The following DHRSX variants were observed in gnomAD, a reference collection of about 807,000 sequenced individuals.
DHRSX encodes the protein polyprenol dehydrogenase.
Under a neutral mutation model 34.0 loss-of-function variants are expected in DHRSX, and 31 were observed. That is an observed-to-expected ratio of 0.91 (90% CI 0.69 to 1.23). The LOEUF is 1.23. DHRSX is among the 50% of genes most tolerant of loss of function. The probability of loss-of-function intolerance (pLI) is 0.00; values close to 1 mark genes in which losing one functional copy is unlikely to be tolerated. For synonymous variants in DHRSX, 201 were observed against 183.8 expected, an observed-to-expected ratio of 1.09 and a Z score of -0.76; for missense variants, 414 against 428.1, an observed-to-expected ratio of 0.97 and a Z score of 0.29.
intron 5 of DHRSX, among the ~76,000 whole-genome samples, chrX:2,248,364 C>T (rs1334010801): frequency 4.1e-5 from 6 of 148,100 alleles, no homozygotes; most frequent in African/African-American, 9.9e-5. Flanking sequence ...ACCCAGGAGG[C>T]GGAGCTTGCA....
chrX:2,339,785 T>A (rs1372361166), intron 3 of DHRSX, among the ~76,000 whole-genome samples: 2 of 152,072 alleles, frequency 1.3e-5, no homozygotes, highest in African/African-American at 4.8e-5. Flanking sequence ...GGCATTTGGG[T>A]TGGTTCCAAG....
intron 4 of DHRSX, among the ~76,000 whole-genome samples, chrX:2,274,554 T>C (rs1265976157): frequency 6.6e-6 from 1 of 151,718 alleles, no homozygotes; most frequent in Admixed American, 6.6e-5. Flanking sequence ...GTAGCTGGGA[T>C]TACAGGTGTG....
intron 3 of DHRSX, among the ~76,000 whole-genome samples, chrX:2,308,419 A>G (rs372648800): frequency 5.3e-5 from 8 of 152,122 alleles, no homozygotes; most frequent in Admixed American, 1.3e-4. Flanking sequence ...ACAATTGTTC[A>G]ACAATTGTTA....
At chrX:2,346,140 A>C (rs1434007263) in intron 3 of DHRSX, among the ~76,000 whole-genome samples, 1 of 151,992 alleles carries the variant, frequency 6.6e-6, no homozygotes, top group African/African-American at 2.4e-5. Flanking sequence ...TCACTCTCTA[A>C]AATTTAACTC....
At chrX:2,246,606 G>A (rs1317033667) in intron 5 of DHRSX, among the ~76,000 whole-genome samples, 3 of 150,572 alleles carry the variant, frequency 2.0e-5, no homozygotes, top group African/African-American at 7.3e-5. Flanking sequence ...CTGGGCAACA[G>A]AGTGAAAGTC....
chrX:2,450,442 A>G (rs917867901), intron 1 of DHRSX, among the ~76,000 whole-genome samples: 5 of 152,120 alleles, frequency 3.3e-5, no homozygotes, highest in African/African-American at 1.2e-4. Flanking sequence ...AGGCTTGGCA[A>G]CAAGAGCAAA....
At chrX:2,459,754 G>T (rs1245056217) in intron 1 of DHRSX, among the ~76,000 whole-genome samples, 1 of 151,920 alleles carries the variant, frequency 6.6e-6, no homozygotes, top group East Asian at 1.9e-4. Context: ...CAGTTTATAT[G>T]ACTATGTTCC....
intron 3 of DHRSX, among the ~76,000 whole-genome samples, chrX:2,328,003 C>G (rs2042408487): frequency 6.8e-6 from 1 of 146,090 alleles, no homozygotes; most frequent in Non-Finnish European, 1.5e-5. Flanking sequence ...TCGCTTGAAC[C>G]TGGGAGGTGG....
chrX:2,231,496 TCTTC>T (rs1396007537), intron 6 of DHRSX, among the ~76,000 whole-genome samples: 1 of 150,188 alleles, frequency 6.7e-6, no homozygotes, highest in Non-Finnish European at 1.5e-5. Context: ...CTCTTTCATT[TCTTC>T]CTTCTCCTTC....
chrX:2,496,612 T>A (rs1338192520), intron 1 of DHRSX, among the ~76,000 whole-genome samples: 1 of 152,110 alleles, frequency 6.6e-6, no homozygotes, highest in African/African-American at 2.4e-5. Flanking sequence ...AAACACCACC[T>A]GTTCCCCAAT....
intron 3 of DHRSX, among the ~76,000 whole-genome samples, chrX:2,401,533 A>C (rs906013301): frequency 6.6e-6 from 1 of 152,188 alleles, no homozygotes; most frequent in African/African-American, 2.4e-5. Context: ...GATCTCTCTT[A>C]GGATTTAGGA....
chrX:2,273,025 C>T (rs1404751124), intron 4 of DHRSX, among the ~76,000 whole-genome samples: 2 of 152,134 alleles, frequency 1.3e-5, no homozygotes, highest in Non-Finnish European at 1.5e-5. Flanking sequence ...GTCATCCCAG[C>T]ACTTTGGGAG....
intron 3 of DHRSX, among the ~76,000 whole-genome samples, chrX:2,320,184 C>A (rs2042291354): frequency 6.6e-6 from 1 of 151,754 alleles, no homozygotes; most frequent in African/African-American, 2.4e-5. Flanking sequence ...TCTCAGTGTC[C>A]CTCAAGATTC....
At chrX:2,463,381 C>A (rs1248284401) in intron 1 of DHRSX, among the ~76,000 whole-genome samples, 1 of 152,074 alleles carries the variant, frequency 6.6e-6, no homozygotes, top group Non-Finnish European at 1.5e-5. Flanking sequence ...GAATGGAAGC[C>A]CCTTCCACCC....
intron 6 of DHRSX, among the ~76,000 whole-genome samples, chrX:2,236,061 G>A (rs778397395): frequency 9.2e-5 from 14 of 151,764 alleles, no homozygotes; most frequent in African/African-American, 2.4e-4. Flanking sequence ...GCAGTGAGCT[G>A]AGATCGCGCC....
At chrX:2,233,343 T>A (rs1212996812) in intron 6 of DHRSX, among the ~76,000 whole-genome samples, 1 of 148,598 alleles carries the variant, frequency 6.7e-6, no homozygotes, top group Admixed American at 6.9e-5. Flanking sequence ...CCCTGTGGCT[T>A]AAATAACACA....
rs1332562605 is a variant in DHRSX, at chrX:2,232,902, A to G, written c.804+10121T>C. Among the ~76,000 whole-genome samples the G allele has an allele frequency of 2.6e-5, 4 of 152,106 alleles. 1 individual carries two copies. The East Asian group carries it at 7.7e-4, about 29-fold the overall frequency. On this transcript the variant is annotated intron_variant, in intron 6 of 6. Transcript: ENST00000334651. ...ATCTGCATTTCTAACGAGCTCCCAG[A>G]GGCTGCTGGTCTCAGAGACCACGCT...
intron 1 of DHRSX, among the ~76,000 whole-genome samples, chrX:2,472,914 G>T (rs1314527261): frequency 6.6e-6 from 1 of 152,146 alleles, no homozygotes; most frequent in Non-Finnish European, 1.5e-5. Context: ...CAACATGAGT[G>T]TGAGAAGGAT....
At chrX:2,248,335 A>G (rs1356986276) in intron 5 of DHRSX, among the ~76,000 whole-genome samples, 4 of 151,566 alleles carry the variant, frequency 2.6e-5, no homozygotes, top group Non-Finnish European at 5.9e-5. Flanking sequence ...TGGGAGGCTG[A>G]GGCAGGAGAA....
Sources: allele counts gnomAD v4.1 joint callset (sites outside exome capture counted in the v4.1 genomes callset), GRCh38; gene constraint gnomAD v4.1.1; transcripts MANE v1.5; gene names NCBI Gene and HGNC (gene_info 2026-07-23, HGNC 2026-07-21).